The following CTNNA2 variants were observed in gnomAD, a reference collection of about 807,000 sequenced individuals.
CTNNA2 encodes catenin alpha-2.
CTNNA2 carries 42 observed loss-of-function variants against 101.0 expected under a neutral mutation model. The observed-to-expected ratio is 0.42, with a 90% CI of 0.32 to 0.54. The LOEUF is 0.54. CTNNA2 is among the 20% of genes least tolerant of loss of function. CTNNA2 has a pLI of 0.14. For synonymous variants in CTNNA2, 450 were observed against 456.4 expected (o/e 0.99, Z 0.18); for missense variants, 871 against 1,223.1 (o/e 0.71, Z 4.29).
chr2:80,456,688 A>C (rs1684005581), intron 9 of CTNNA2, among the ~76,000 whole-genome samples: 1 of 152,196 alleles, frequency 6.6e-6, no homozygotes, highest in South Asian at 2.1e-4. Flanking sequence ...GGCCTTAGAC[A>C]GGTACTTATA....
At chr2:80,403,552 C>G (rs1678775771) in intron 8 of CTNNA2, among the ~76,000 whole-genome samples, 1 of 152,204 alleles carries the variant, frequency 6.6e-6, no homozygotes, top group South Asian at 2.1e-4. Context: ...TTTAATACTG[C>G]TGATTTACTC....
chr2:80,548,626 G>A (rs533064415), intron 11 of CTNNA2, among the ~76,000 whole-genome samples: 10 of 152,180 alleles, frequency 6.6e-5, no homozygotes, highest in Non-Finnish European at 1.5e-4. Flanking sequence ...GCAGGAAAAT[G>A]AACAGGCGCT....
intron 3 of CTNNA2, among the ~76,000 whole-genome samples, chr2:79,809,260 G>T (rs572371090): frequency 6.6e-6 from 1 of 152,270 alleles, no homozygotes; most frequent in South Asian, 2.1e-4. Flanking sequence ...ATGTGTGCAC[G>T]TGTCTTTATA....
At chr2:79,669,216 A>G (rs1305517543) in intron 2 of CTNNA2, among the ~76,000 whole-genome samples, 4 of 152,354 alleles carry the variant, frequency 2.6e-5, no homozygotes, top group African/African-American at 9.6e-5. Context: ...TAAATGAAGA[A>G]AAGCAGGAGA....
At chr2:80,418,332 T>G (rs1438519030) in intron 8 of CTNNA2, among the ~76,000 whole-genome samples, 1 of 152,206 alleles carries the variant, frequency 6.6e-6, no homozygotes, top group African/African-American at 2.4e-5. Context: ...AGATTTTAGC[T>G]CAGTAAATGA....
intron 7 of CTNNA2, among the ~76,000 whole-genome samples, chr2:80,159,003 G>T (rs531393184): frequency 1.3e-3 from 205 of 152,224 alleles, no homozygotes; most frequent in Non-Finnish European, 2.4e-3. Context: ...ATTCTCTGGA[G>T]ATTCATGCAG....
At chr2:79,897,485 C>G (rs1318893339) in intron 6 of CTNNA2, among the ~76,000 whole-genome samples, 4 of 152,040 alleles carry the variant, frequency 2.6e-5, no homozygotes. Context: ...ATCTATAACT[C>G]ACTACATTTC....
At chr2:79,474,186 T>G (rs1342692521) in intron 4 of CTNNA2, among the ~76,000 whole-genome samples, 1 of 152,266 alleles carries the variant, frequency 6.6e-6, no homozygotes, top group African/African-American at 2.4e-5. Context: ...AATATAATCT[T>G]ATTTAAAATT....
intron 7 of CTNNA2, among the ~76,000 whole-genome samples, chr2:80,047,377 A>G (rs1696599715): frequency 1.3e-5 from 2 of 152,180 alleles, no homozygotes; most frequent in African/African-American, 4.8e-5. Context: ...CCATTATGAC[A>G]CTAAGTACTA....
chr2:79,940,063 A>G (rs1198919850), intron 7 of CTNNA2, among the ~76,000 whole-genome samples: 1 of 152,122 alleles, frequency 6.6e-6, no homozygotes, highest in Non-Finnish European at 1.5e-5. Flanking sequence ...TTCCGTCTCA[A>G]ACAAAACCAA....
intron 3 of CTNNA2, among the ~76,000 whole-genome samples, chr2:79,365,706 G>C (rs1428263692): frequency 6.7e-6 from 1 of 150,174 alleles, no homozygotes; most frequent in East Asian, 1.9e-4. Flanking sequence ...TTTGTTTTTT[G>C]TTTTTTTGTT....
intron 2 of CTNNA2, among the ~76,000 whole-genome samples, chr2:79,661,748 G>A (rs1460678599): frequency 6.6e-6 from 1 of 152,080 alleles, no homozygotes; most frequent in Non-Finnish European, 1.5e-5. Context: ...AAGGGGAAAG[G>A]TGCTAATGTT....
intron 1 of CTNNA2, among the ~76,000 whole-genome samples, chr2:79,635,081 C>A (rs1679932474): frequency 6.6e-6 from 1 of 151,946 alleles, no homozygotes; most frequent in Admixed American, 6.6e-5. Flanking sequence ...GAGGGTCTTT[C>A]AATAATCTAA....
At chr2:79,795,930 AC>A (rs1675660975) in intron 3 of CTNNA2, among the ~76,000 whole-genome samples, 1 of 151,990 alleles carries the variant, frequency 6.6e-6, no homozygotes, top group Non-Finnish European at 1.5e-5. Flanking sequence ...TAGTATTTGG[AC>A]TCAGTTCCGT....
chr2:80,439,108 A>G (rs945950312), intron 9 of CTNNA2, among the ~76,000 whole-genome samples: 1 of 152,214 alleles, frequency 6.6e-6, no homozygotes, highest in Admixed American at 6.5e-5. Context: ...GATATTGAAT[A>G]TATCACGTAA....
At chr2:80,624,572 C>G (rs908924807) in intron 18 of CTNNA2, among the ~76,000 whole-genome samples, 2 of 151,962 alleles carry the variant, frequency 1.3e-5, no homozygotes, top group East Asian at 1.9e-4. Context: ...TTCACAGCAA[C>G]AAGGATTGAT....
chr2:79,231,311 A>C (rs76542192), intron 2 of CTNNA2, among the ~76,000 whole-genome samples: 1,949 of 152,260 alleles, frequency 0.013, 38 homozygotes, highest in African/African-American at 0.044. Context: ...TGTGATAGCA[A>C]ATCTGTCTCA....
At chr2:80,592,888 T>C (rs532097851) in intron 15 of CTNNA2, among the ~76,000 whole-genome samples, 1 of 152,268 alleles carries the variant, frequency 6.6e-6, no homozygotes, top group African/African-American at 2.4e-5. Flanking sequence ...ACAAAATAAA[T>C]GTGAATTAGT....
chr2:79,643,260 A>G (rs1273699942), intron 1 of CTNNA2, among the ~76,000 whole-genome samples: 1 of 152,164 alleles, frequency 6.6e-6, no homozygotes, highest in Admixed American at 6.6e-5. Flanking sequence ...ACTTAGTTTT[A>G]TGGTCCCCAA....
Sources: gnomAD v4.1 joint callset for allele counts (sites outside exome capture counted in the v4.1 genomes callset) on GRCh38, gnomAD v4.1.1 for gene constraint, MANE v1.5 for transcripts, NCBI Gene and HGNC (gene_info 2026-07-23, HGNC 2026-07-21) for gene names.